Variants in RXRA observed in about 807,000 individuals in gnomAD.
The protein encoded by RXRA is retinoic acid receptor RXR-alpha.
In RXRA, 5 loss-of-function variants were observed where a neutral mutation model predicts 44.5. That is an observed-to-expected ratio of 0.11 (90% CI 0.06 to 0.24). The LOEUF is 0.24. Ranked by LOEUF, RXRA falls within the 10% of genes least tolerant of loss-of-function variation. The pLI, the probability that RXRA is intolerant of heterozygous loss-of-function variation, is 1.00. For synonymous variants in RXRA, 291 were observed against 271.4 expected, an observed-to-expected ratio of 1.07 and a Z score of -0.71; for missense variants, 412 against 646.5, an observed-to-expected ratio of 0.64 and a Z score of 3.93.
At chr9:134,423,129 G>A (rs955367963) in intron 6 of RXRA, 45 of 985,474 alleles carry the variant, frequency 4.6e-5, no homozygotes, top group Non-Finnish European at 3.9e-5. Flanking sequence ...GAAAGGGGGT[G>A]TGAGGGGCGT....
At chr9:134,423,025 C>T (rs561110418) in intron 6 of RXRA, 21 of 985,484 alleles carry the variant, frequency 2.1e-5, no homozygotes, top group African/African-American at 1.2e-4. Context: ...GCGGCCAGGA[C>T]GGTGGCTGGG....
chr9:134,432,395 G>A (rs1038906803), intron 8 of RXRA, among the ~76,000 whole-genome samples: 9 of 152,334 alleles, frequency 5.9e-5, no homozygotes, highest in African/African-American at 1.7e-4. Context: ...CAGGCCTGCC[G>A]GGTGTTCCAG....
Position 134,399,086 on chromosome 9 carries a change from C to T in RXRA, c.29-2546C>T, listed in dbSNP as rs531645066. Among the ~76,000 whole-genome samples, 513 of 152,344 alleles carry T rather than the reference C, an allele frequency of 3.4e-3. 2 individuals carry two copies. The highest frequency in any genetic ancestry group is 5.7e-3 in the Non-Finnish European group (385 of 68,034). ...GCTGAGCAGAACTTGCTGCTGAGTA[C>T]GCGTGCCTGTCTGCATTTCACAGAT... is the stretch of plus-strand genomic sequence containing the variant. On this transcript the variant is annotated intron_variant, in intron 1 of 9. Coordinates refer to ENST00000481739, the MANE Select transcript of RXRA (RefSeq NM_002957.6).
intron 1 of RXRA, among the ~76,000 whole-genome samples, chr9:134,398,940 A>G (rs1020625326): frequency 1.3e-5 from 2 of 152,208 alleles, no homozygotes; most frequent in African/African-American, 4.8e-5. Context: ...CTGCAAAGCC[A>G]ATTTGTGCAC....
At chr9:134,385,532 G>C (rs1452931780) in intron 1 of RXRA, among the ~76,000 whole-genome samples, 2 of 152,214 alleles carry the variant, frequency 1.3e-5, no homozygotes, top group Non-Finnish European at 2.9e-5. Context: ...GCCCCCACAG[G>C]ACGCCCCCCA....
chr9:134,352,399 A>G (rs1174181259), intron 1 of RXRA, among the ~76,000 whole-genome samples: 5 of 152,058 alleles, frequency 3.3e-5, no homozygotes, highest in African/African-American at 9.7e-5. Context: ...CGGAGGGGCC[A>G]CAATCCTTCC....
At chr9:134,340,897 A>G (rs1380541041) in intron 1 of RXRA, among the ~76,000 whole-genome samples, 5 of 152,098 alleles carry the variant, frequency 3.3e-5, no homozygotes, top group African/African-American at 1.2e-4. Context: ...CCTCATGTGA[A>G]CCCTGGAAAG....
rs894763998 is a variant in RXRA, at chr9:134,429,368, A to G, written c.1043+128A>G. ...ATTTCAGTGCATGAAGGGTGCACAC[A>G]TGGAAAAAGAGAAAAGCATGAGGAG... On this transcript the variant is annotated intron_variant, in intron 7 of 9. Transcript: ENST00000481739. 1.0e-4 allele frequency: 103 copies of G among 995,622 alleles called. 1 individual carries two copies. In the East Asian group the frequency reaches 2.7e-3, roughly 26 times the overall value. 61.7% of individuals were successfully genotyped at this position (995,622 alleles called of 1,614,324 possible).
At chr9:134,403,374 G>A (rs932764427) in intron 2 of RXRA, 5 of 152,284 alleles carry the variant, frequency 3.3e-5, no homozygotes, top group African/African-American at 1.2e-4. Flanking sequence ...GTGCTGGCAC[G>A]AGGGAGGCCT....
rs1433676625 is a variant in RXRA at position 134,349,237 on chromosome 9, G to A, written c.28+22578G>A. ...CAACTCCCTGCACCAGCCTGGCCCC[G>A]AGCTCCCACTTCCTCATGCTGGGCA... On this transcript the variant is annotated intron_variant, in intron 1 of 9. Transcript: ENST00000481739. This position sits in a 1 kb window ranked among gnomAD's most constrained non-coding sequence, Gnocchi z 4.3. 4.6e-5 allele frequency among the ~76,000 whole-genome samples: 7 copies of A among 152,282 alleles called. No individual in the cohort carries two copies. Among genetic ancestry groups the A allele is most frequent in the South Asian group, 2.1e-4 (1 of 4,822 alleles).
intron 1 of RXRA, among the ~76,000 whole-genome samples, chr9:134,393,021 TTC>T (rs1023399897): frequency 3.8e-5 from 3 of 79,954 alleles, no homozygotes; most frequent in Middle Eastern, 7.5e-3. Flanking sequence ...ACTTGGCTTC[TTC>T]TTAAAAAAAA....
intron 1 of RXRA, among the ~76,000 whole-genome samples, chr9:134,395,472 C>T (rs764083648): frequency 7.2e-5 from 11 of 152,306 alleles, no homozygotes; most frequent in Non-Finnish European, 1.2e-4. Flanking sequence ...TGTGTGGGGC[C>T]GGCAGTCCTT....
At position 134,438,833 on chromosome 9, in the gene RXRA, C is replaced by G. The variant is rs555291776; in HGVS notation, c.*2219C>G. On this transcript the variant is annotated 3_prime_UTR_variant, in exon 10 of 10. Coordinates refer to ENST00000481739, the MANE Select transcript of RXRA (RefSeq NM_002957.6). ...GTCGGCTGCTTCTTGGGAACTTTGT[C>G]GTTTCCGGCGCTGGCTGGCTGGCTG... The G allele has an allele frequency of 2.2e-5, 2 of 88,952 alleles. No individual in the cohort carries two copies. The highest frequency in any genetic ancestry group is 9.6e-5 in the African/African-American group (2 of 20,806). The allele number at this position is 88,952 out of a possible 1,614,324, so 5.5% of individuals were successfully genotyped here.
Position 134,397,880 on chromosome 9 carries a change from G to T in RXRA, c.29-3752G>T, listed in dbSNP as rs529464715. ...CCCGGGTTGGGTCTGAGTGTCTGAG[G>T]CTGTCCCTGTGGTTTGGGGGTGAAC... On this transcript the variant is annotated intron_variant, in intron 1 of 9. Transcript: ENST00000481739. 3.3e-5 allele frequency among the ~76,000 whole-genome samples: 5 copies of T among 152,334 alleles called. No individual in the cohort carries two copies. The South Asian group carries it at 1.0e-3, about 32-fold the overall frequency.
chr9:134,347,019 G>A (rs868983743), intron 1 of RXRA, among the ~76,000 whole-genome samples: 4 of 152,192 alleles, frequency 2.6e-5, no homozygotes, highest in African/African-American at 7.2e-5. Context: ...CTGTGGAGGT[G>A]GCAGGCAGGT....
At chr9:134,341,134 C>T (rs1219410978) in intron 1 of RXRA, among the ~76,000 whole-genome samples, 2 of 152,116 alleles carry the variant, frequency 1.3e-5, no homozygotes, top group South Asian at 2.1e-4. Flanking sequence ...GAGCTGTGAC[C>T]GCAGGCCCCG....
chr9:134,426,735 C>T lies in RXRA; in HGVS notation c.911-2373C>T. 1 of 985,392 alleles carries T rather than the reference C, an allele frequency of 1.0e-6. No homozygotes were observed. Among genetic ancestry groups the T allele is most frequent in the Non-Finnish European group, 1.2e-6 (1 of 829,924 alleles). 61.0% of individuals were successfully genotyped at this position (985,392 alleles called of 1,614,324 possible). On this transcript the variant is annotated intron_variant, in intron 6 of 9. Coordinates refer to ENST00000481739, the MANE Select transcript of RXRA (RefSeq NM_002957.6). The surrounding 1 kb of genome is among the most constrained non-coding windows in gnomAD (Gnocchi z 4.6). ...GGAGGTGGCCACTGCTCAGGTAAAC[C>T]CCCAGGCCTGCAGGATGTGAGGGAG...
chr9:134,346,841 AG>A (rs782692458), intron 1 of RXRA, among the ~76,000 whole-genome samples: 32 of 152,198 alleles, frequency 2.1e-4, no homozygotes, highest in Non-Finnish European at 4.1e-4. Flanking sequence ...TTGTCGGGAC[AG>A]TGTGGGTTGG....
rs1318249611 is a variant in RXRA at position 134,434,123 on chromosome 9, C to T, written c.1157C>T (p.Pro386Leu). 3.1e-6 allele frequency: 5 copies of T among 1,613,706 alleles called. No homozygotes were observed. The highest frequency in any genetic ancestry group is 1.3e-5 in the African/African-American group (1 of 75,000). The change falls in exon 9 of 10, where the codon CCG becomes CTG. Residue 386 changes from proline to leucine, a missense_variant. Around this residue, in one of 4 missense-constraint regions of RXRA, gnomAD observed 141 missense variants for 270.8 expected, o/e 0.52. Transcript: ENST00000481739. ...TCAGACTCCAAGGGGCTCTCGAACC[C>T]GGCCGAGGTGGAGGCGCTGAGGGAG... Reference protein sequence around the residue: ...FNPDSKGLSNPAEVEALREKV... With the variant: ...FNPDSKGLSNLAEVEALREKV...
Sources: gnomAD v4.1 joint callset for allele counts (sites outside exome capture counted in the v4.1 genomes callset) on GRCh38, gnomAD v4.1.1 for gene constraint, gnomAD v4.1.1 regional missense constraint, Gnocchi (gnomAD v3.1) non-coding constraint, MANE v1.5 for transcripts, NCBI Gene and HGNC (gene_info 2026-07-23, HGNC 2026-07-21) for gene names.